The following SGCD variants were observed in gnomAD, a reference collection of about 807,000 sequenced individuals.
SGCD encodes the protein delta-sarcoglycan.
In SGCD, 18 loss-of-function variants were observed where a neutral mutation model predicts 36.6. The ratio of observed to expected loss-of-function variants is 0.49; its 90% CI spans 0.34 to 0.73. SGCD has a LOEUF of 0.73. Ranked by LOEUF, SGCD falls within the 30% of genes least tolerant of loss-of-function variation. The pLI is 0.01. For synonymous variants in SGCD, 133 were observed against 130.6 expected, an observed-to-expected ratio of 1.02 and a Z score of -0.12; for missense variants, 387 against 346.7, an observed-to-expected ratio of 1.12 and a Z score of -0.92.
intron 4 of SGCD, among the ~76,000 whole-genome samples, chr5:156,563,752 GT>G (rs11354048): frequency 0.22 from 33,681 of 151,860 alleles, 4,537 homozygotes; most frequent in Non-Finnish European, 0.31. Context: ...ACTCCCTCAA[GT>G]TTTTCAATCT....
chr5:156,032,188 A>G (rs1268795836), intron 1 of SGCD, among the ~76,000 whole-genome samples: 4 of 152,046 alleles, frequency 2.6e-5, no homozygotes, highest in Non-Finnish European at 5.9e-5. Flanking sequence ...TTGTCAATAA[A>G]CATACTTCTA....
At chr5:156,646,784 T>C (rs772389077) in intron 6 of SGCD, among the ~76,000 whole-genome samples, 15 of 152,208 alleles carry the variant, frequency 9.9e-5, no homozygotes, top group Non-Finnish European at 1.8e-4. Flanking sequence ...AATCAGATAA[T>C]TGCTATCTTT....
intron 3 of SGCD, among the ~76,000 whole-genome samples, chr5:156,237,918 G>A (rs746017787): frequency 2.6e-5 from 4 of 151,908 alleles, no homozygotes; most frequent in Non-Finnish European, 5.9e-5. Flanking sequence ...CAGTTCCCAA[G>A]GCTAGAAGGA....
chr5:156,258,120 G>A (rs1270110599), intron 3 of SGCD, among the ~76,000 whole-genome samples: 1 of 152,046 alleles, frequency 6.6e-6, no homozygotes, highest in Non-Finnish European at 1.5e-5. Context: ...TCACTTTAAG[G>A]AAAATCATGT....
At chr5:156,599,228 A>G (rs1326302276) in intron 6 of SGCD, among the ~76,000 whole-genome samples, 1 of 152,214 alleles carries the variant, frequency 6.6e-6, no homozygotes, top group Admixed American at 6.5e-5. Context: ...GTCAGACTGT[A>G]TAAACTCTTG....
chr5:155,976,137 T>G (rs1178895432), intron 1 of SGCD, among the ~76,000 whole-genome samples: 1 of 152,142 alleles, frequency 6.6e-6, no homozygotes, highest in African/African-American at 2.4e-5. Context: ...GTAAGACAGA[T>G]GCACACTGAT....
intron 1 of SGCD, among the ~76,000 whole-genome samples, chr5:155,953,070 T>C (rs1166141184): frequency 1.3e-5 from 2 of 152,160 alleles, no homozygotes; most frequent in East Asian, 1.9e-4. Context: ...GTGTTCATTT[T>C]TCGCTGACCT....
At chr5:156,505,265 T>C (rs1384971616) in intron 3 of SGCD, among the ~76,000 whole-genome samples, 1 of 152,174 alleles carries the variant, frequency 6.6e-6, no homozygotes, top group African/African-American at 2.4e-5. Flanking sequence ...GATTGCCCAG[T>C]TGGGTTCTCT....
intron 7 of SGCD, among the ~76,000 whole-genome samples, chr5:156,668,857 G>C (rs1296985914): frequency 6.6e-6 from 1 of 152,084 alleles, no homozygotes; most frequent in African/African-American, 2.4e-5. Flanking sequence ...AGTTAGATAG[G>C]GCTTAAGGAA....
intron 3 of SGCD, among the ~76,000 whole-genome samples, chr5:156,264,623 T>A (rs143032770): frequency 6.6e-6 from 1 of 152,246 alleles, no homozygotes; most frequent in African/African-American, 2.4e-5. Context: ...ATGTAAGAGT[T>A]GCTTCAGATT....
chr5:156,221,788 T>C (rs533967487), intron 3 of SGCD, among the ~76,000 whole-genome samples: 1 of 152,142 alleles, frequency 6.6e-6, no homozygotes, highest in East Asian at 1.9e-4. Context: ...GTAATATACA[T>C]TACTTGTAAC....
At chr5:156,245,029 C>T (rs531505510) in intron 3 of SGCD, among the ~76,000 whole-genome samples, 2 of 152,342 alleles carry the variant, frequency 1.3e-5, no homozygotes, top group Admixed American at 1.3e-4. Context: ...AACGCAGATA[C>T]TCTCACACAT....
rs562163572 is a variant in SGCD, at chr5:156,006,359, C to T, written c.-281-111519C>T. ...ACAAATCTCTTTGATTATTTTTTTTCATTTGAAGTCAAAAGCCTTTTTTTA... is the reference window on the plus strand; with the variant it reads ...ACAAATCTCTTTGATTATTTTTTTTTATTTGAAGTCAAAAGCCTTTTTTTA... On this transcript the variant is annotated intron_variant, in intron 1 of 9. Transcript: ENST00000517913. Among the ~76,000 whole-genome samples, 546 of 152,082 alleles carry T rather than the reference C, an allele frequency of 3.6e-3. 6 individuals are homozygous for T. Among genetic ancestry groups the T allele is most frequent in the African/African-American group, 0.012 (498 of 41,518 alleles).
At chr5:156,730,731 T>C (rs1369043941) in intron 7 of SGCD, among the ~76,000 whole-genome samples, 1 of 152,190 alleles carries the variant, frequency 6.6e-6, no homozygotes, top group Non-Finnish European at 1.5e-5. Flanking sequence ...TTCCTGTGGG[T>C]ATATACCCTG....
chr5:156,636,531 A>G (rs1202339616), intron 6 of SGCD, among the ~76,000 whole-genome samples: 6 of 152,212 alleles, frequency 3.9e-5, no homozygotes, highest in African/African-American at 1.4e-4. Context: ...TGGAAGCACA[A>G]CACAGGGAGC....
intron 4 of SGCD, among the ~76,000 whole-genome samples, chr5:156,542,814 C>T (rs557625057): frequency 3.3e-5 from 5 of 152,270 alleles, no homozygotes; most frequent in Admixed American, 6.5e-5. Flanking sequence ...CCTTGCAACA[C>T]GCTGGCTCAG....
chr5:156,423,417 TATATTTTAATAAAATATAATA>T (rs1773510096), intron 3 of SGCD, among the ~76,000 whole-genome samples: 1 of 98,344 alleles, frequency 1.0e-5, no homozygotes, highest in Non-Finnish European at 2.0e-5. Flanking sequence ...TATAATATAT[TATATTTTAATAAAATATAATA>T]TATTTATTTT....
intron 1 of SGCD, among the ~76,000 whole-genome samples, chr5:156,076,138 A>G (rs1230291770): frequency 1.4e-5 from 2 of 145,846 alleles, no homozygotes; most frequent in African/African-American, 5.1e-5. Context: ...AGTGATGAAA[A>G]CTCTTGAGAA....
chr5:155,752,525 T>C, the SGCD span, among the ~76,000 whole-genome samples: 2 of 152,206 alleles, frequency 1.3e-5, no homozygotes, highest in African/African-American at 4.8e-5. Context: ...ACCTACTCTT[T>C]CTTTAACTCT....
Sources: gnomAD v4.1 joint callset for allele counts (sites outside exome capture counted in the v4.1 genomes callset) on GRCh38, gnomAD v4.1.1 for gene constraint, MANE v1.5 for transcripts, NCBI Gene and HGNC (gene_info 2026-07-23, HGNC 2026-07-21) for gene names.